POLR3C: variants seen among roughly 807,000 people sequenced by gnomAD.
The protein encoded by POLR3C is RNA polymerase III subunit C, also known as DNA-directed RNA polymerase III subunit RPC3.
A neutral mutation model predicts 65.9 loss-of-function variants in POLR3C; 44 were observed. The ratio of observed to expected loss-of-function variants is 0.67; its 90% CI spans 0.52 to 0.86. The LOEUF (loss-of-function observed/expected upper bound fraction) is 0.86. POLR3C is among the 40% of genes least tolerant of loss of function. POLR3C has a pLI of 0.00. For missense variants in POLR3C, 576 were observed against 653.2 expected, an observed-to-expected ratio of 0.88 and a Z score of 1.29; for synonymous variants, 263 against 231.6, an observed-to-expected ratio of 1.14 and a Z score of -1.23.
Position 145,843,986 on chromosome 1 carries a change from A to AGATG in POLR3C, c.*1566_*1567insGATG. Among the ~76,000 whole-genome samples the AGATG allele has an allele frequency of 6.6e-6, 1 of 152,200 alleles. No homozygotes were observed. The highest frequency in any genetic ancestry group is 2.4e-5 in the African/African-American group (1 of 41,450). The stretch of plus-strand genomic sequence containing the variant: ...ATCAATGAGATAACATCTCACCCCA[A>AGATG]TTCATTACTTTTATCAAGAAGAAAG... On this transcript the variant is annotated 3_prime_UTR_variant, in exon 15 of 15. Coordinates refer to ENST00000334163, the MANE Select transcript of POLR3C (RefSeq NM_006468.8).
chr1:145,824,862 C>T (rs1342239361), intron 1 of POLR3C, among the ~76,000 whole-genome samples: 2 of 151,928 alleles, frequency 1.3e-5, no homozygotes, highest in African/African-American at 4.8e-5. Context: ...CCTGTTCACT[C>T]CCACCGAGCT....
intron 14 of POLR3C, among the ~76,000 whole-genome samples, chr1:145,842,059 T>C (rs1415824492): frequency 6.6e-6 from 1 of 152,222 alleles, no homozygotes; most frequent in Non-Finnish European, 1.5e-5. Context: ...ACTAGGTCCT[T>C]TTATACCTGT....
rs892931206 is a variant in POLR3C at position 145,843,994 on chromosome 1, C to T, written c.*1574C>T. Among the ~76,000 whole-genome samples the T allele has an allele frequency of 2.6e-5, 4 of 152,108 alleles. No individual in the cohort carries two copies. The highest frequency in any genetic ancestry group is 7.2e-5 in the African/African-American group (3 of 41,392). On this transcript the variant is annotated 3_prime_UTR_variant, in exon 15 of 15. Transcript: ENST00000334163. Reference sequence around the variant, plus strand: ...GATAACATCTCACCCCAATTCATTACTTTTATCAAGAAGAAAGAATGAATG... The same window carrying T: ...GATAACATCTCACCCCAATTCATTATTTTTATCAAGAAGAAAGAATGAATG...
chr1:145,836,566 G>A lies in POLR3C; in HGVS notation c.949G>A (p.Asp317Asn). 3.8e-6 allele frequency: 6 copies of A among 1,598,966 alleles called. No individual in the cohort carries two copies. Among genetic ancestry groups the A allele is most frequent in the Non-Finnish European group, 5.1e-6 (6 of 1,166,290 alleles). ...TGATCAGTATCTCACTCTGCTGGCAGATGATCCAGTAAGTCTGTTTTTGCT... is the reference window on the plus strand; with the variant it reads ...TGATCAGTATCTCACTCTGCTGGCAAATGATCCAGTAAGTCTGTTTTTGCT... ...VLDQYLTLLA[D>N]DPLEFVGKSG... The change falls in exon 8 of 15, where the codon GAT becomes AAT. Residue 317 changes from aspartate to asparagine, a missense_variant. Physicochemically the swap from Asp to Asn is conservative, Grantham distance 23. Coordinates refer to ENST00000334163, the MANE Select transcript of POLR3C (RefSeq NM_006468.8).
intron 10 of POLR3C, 66 bp from the exon 11 acceptor site, chr1:145,837,990 A>G: frequency 6.9e-7 from 1 of 1,447,352 alleles, no homozygotes; most frequent in Non-Finnish European, 9.7e-7. Context: ...CAACCACCCC[A>G]TCTATGACTG....
intron 5 of POLR3C, among the ~76,000 whole-genome samples, chr1:145,829,948 T>C (rs1042011938): frequency 2.0e-5 from 3 of 152,260 alleles, no homozygotes; most frequent in Admixed American, 2.0e-4. Flanking sequence ...AATTATTTAT[T>C]ATTTGTGTAC....
At chr1:145,829,473 G>A (rs587635154) in intron 5 of POLR3C, among the ~76,000 whole-genome samples, 2 of 152,262 alleles carry the variant, frequency 1.3e-5, no homozygotes, top group African/African-American at 2.4e-5. Context: ...AAACGCTTTC[G>A]TTAATGGTCT....
At position 145,838,090 on chromosome 1, in the gene POLR3C, G is replaced by C. The variant is rs587700080; in HGVS notation, c.1105G>C (p.Val369Leu). 7.6e-5 allele frequency: 123 copies of C among 1,614,176 alleles called. 2 individuals are homozygous for C. In the South Asian group the frequency reaches 1.3e-3, roughly 17 times the overall value. Reference protein sequence around the residue: ...GSRCARIFRLVLQKKHIEQKQ... With the variant: ...GSRCARIFRLLLQKKHIEQKQ... The stretch of plus-strand genomic sequence containing the variant: ...TCGCTGTGCTAGAATATTCCGTCTA[G>C]TTTTGCAGAAGAAACACATAGAGCA... Residue 369 changes from valine to leucine, a missense_variant, in exon 11 of 15, where the codon GTT becomes CTT. Val to Leu is a conservative substitution (Grantham distance 32). Transcript: ENST00000334163.
At chr1:145,828,011 G>A (rs1486925896) in intron 4 of POLR3C, among the ~76,000 whole-genome samples, 1 of 152,076 alleles carries the variant, frequency 6.6e-6, no homozygotes, top group African/African-American at 2.4e-5. Flanking sequence ...TGAGAAGGTG[G>A]CATTTGAGCT....
intron 5 of POLR3C, 81 bp downstream of exon 5, chr1:145,828,918 T>C: frequency 2.6e-6 from 2 of 759,192 alleles, no homozygotes; most frequent in Admixed American, 4.1e-5. Context: ...CAAGAGAGCT[T>C]AAAGCTTCCT....
intron 5 of POLR3C, among the ~76,000 whole-genome samples, chr1:145,831,740 C>T (rs781947068): frequency 1.3e-5 from 2 of 152,060 alleles, no homozygotes; most frequent in Non-Finnish European, 1.5e-5. Context: ...TTCAAAGTAA[C>T]GCCAAGAAAA....
At chr1:145,839,785 G>A in intron 11 of POLR3C, 105 bp from the exon 12 acceptor site, 2 of 682,056 alleles carry the variant, frequency 2.9e-6, no homozygotes, top group Non-Finnish European at 5.3e-6. Flanking sequence ...ACAGGAAAGT[G>A]TAAGTAAAAA....
intron 14 of POLR3C, 118 bp downstream of exon 14, chr1:145,841,189 C>A: frequency 1.3e-6 from 1 of 787,948 alleles, no homozygotes; most frequent in Non-Finnish European, 2.1e-6. Context: ...TCCTCCAGCT[C>A]ACTTAACAGA....
Position 145,836,579 on chromosome 1 carries a change from GTC to G in POLR3C, c.957+7_957+8del, listed in dbSNP as rs781925102. ...ACTCTGCTGGCAGATGATCCAGTAAGTCTGTTTTTGCTTTTTTTCTTTTTTCT... is the reference window on the plus strand; with the variant it reads ...ACTCTGCTGGCAGATGATCCAGTAAGTGTTTTTGCTTTTTTTCTTTTTTCT... On this transcript the variant is annotated splice_donor_region_variant and intron_variant, in intron 8 of 14. Coordinates refer to ENST00000334163, the MANE Select transcript of POLR3C (RefSeq NM_006468.8). 5.0e-6 allele frequency: 8 copies of G among 1,586,210 alleles called. No homozygotes were observed. The African/African-American group carries it at 9.4e-5, about 19-fold the overall frequency.
intron 5 of POLR3C, among the ~76,000 whole-genome samples, chr1:145,832,545 A>G (rs1447884078): frequency 6.6e-6 from 1 of 152,194 alleles, no homozygotes. Flanking sequence ...CAGCTGTGAT[A>G]AAAGTGAGTG....
chr1:145,840,864 G>A (rs587742844), intron 13 of POLR3C, 58 bp from the exon 14 acceptor site: 28 of 1,390,340 alleles, frequency 2.0e-5, no homozygotes, highest in Admixed American at 5.1e-5. Context: ...TCAGACACAC[G>A]TGGTAAGAGA....
rs1417825193 is a variant in POLR3C at position 145,842,602 on chromosome 1, C to CT, written c.*183dup. ...GCATATTTAGATCCATTGCTGTAGT[C>CT]TCCCCTCATCAAATCTTGGCAGTGG... is the stretch of plus-strand genomic sequence containing the variant. On this transcript the variant is annotated 3_prime_UTR_variant, in exon 15 of 15. Coordinates refer to ENST00000334163, the MANE Select transcript of POLR3C (RefSeq NM_006468.8). 1.6e-6 allele frequency: 1 copy of CT among 611,358 alleles called. No individual in the cohort carries two copies. The highest frequency in any genetic ancestry group is 1.9e-5 in the African/African-American group (1 of 53,850). The allele number at this position is 611,358 out of a possible 1,614,324, so 37.9% of individuals were successfully genotyped here. A position where few individuals can be genotyped will look rare whatever the true frequency, so the allele number is the denominator to read the frequency against.
At position 145,826,781 on chromosome 1, in the gene POLR3C, T is replaced by G. The variant is rs1650789595; in HGVS notation, c.404-39T>G. ...CTATGGGAGTGAACCCTGAGCTATC[T>G]TAGGCCATCTCATCTGCCTTTTTCC... On this transcript the variant is annotated intron_variant, in intron 3 of 14. Transcript: ENST00000334163. 1.9e-6 allele frequency: 3 copies of G among 1,604,720 alleles called. No homozygotes were observed. In the African/African-American group the frequency reaches 4.0e-5, roughly 21 times the overall value.
chr1:145,838,933 A>T (rs1553729625), intron 11 of POLR3C, among the ~76,000 whole-genome samples: 2 of 152,182 alleles, frequency 1.3e-5, no homozygotes, highest in Non-Finnish European at 2.9e-5. Context: ...TAAGCAAGTT[A>T]CCACGTTTCC....
Sources: gnomAD v4.1 joint callset for allele counts (sites outside exome capture counted in the v4.1 genomes callset) on GRCh38, gnomAD v4.1.1 for gene constraint, MANE v1.5 for transcripts, NCBI Gene and HGNC (gene_info 2026-07-23, HGNC 2026-07-21) for gene names.